The following RBFOX1 variants were observed in gnomAD, a reference collection of about 807,000 sequenced individuals.
RBFOX1 encodes RNA binding fox-1 homolog 1.
RBFOX1 carries 8 observed loss-of-function variants against 57.7 expected under a neutral mutation model. That is an observed-to-expected ratio of 0.14 (90% CI 0.08 to 0.25). The LOEUF is 0.25. RBFOX1 is among the 10% of genes least tolerant of loss of function. The probability of loss-of-function intolerance (pLI) is 1.00; values close to 1 mark genes in which losing one functional copy is unlikely to be tolerated. For synonymous variants in RBFOX1, 326 were observed against 222.4 expected (o/e 1.47, Z -4.15); for missense variants, 611 against 548.5 (o/e 1.11, Z -1.14).
chr16:6,715,914 T>C (rs191398142), intron 3 of RBFOX1, among the ~76,000 whole-genome samples: 53 of 152,344 alleles, frequency 3.5e-4, no homozygotes, highest in Admixed American at 3.3e-3. Flanking sequence ...TACAGCCTCA[T>C]ACCCTGCTTC....
chr16:5,812,174 T>C (rs917263316), intron 3 of RBFOX1, among the ~76,000 whole-genome samples: 18 of 152,318 alleles, frequency 1.2e-4, no homozygotes, highest in African/African-American at 4.3e-4. Context: ...GACTACATTG[T>C]GTTTATCCAT....
At chr16:7,165,957 C>CAA (rs1384584704) in intron 4 of RBFOX1, among the ~76,000 whole-genome samples, 1 of 99,654 alleles carries the variant, frequency 1.0e-5, no homozygotes, top group African/African-American at 4.4e-5. Flanking sequence ...CACACACACA[C>CAA]ACACACACAT....
intron 2 of RBFOX1, among the ~76,000 whole-genome samples, chr16:6,554,358 G>A (rs979899281): frequency 2.0e-5 from 3 of 152,146 alleles, no homozygotes; most frequent in Admixed American, 1.3e-4. Context: ...ATAGAGATGC[G>A]AAGTAGATTA....
At chr16:7,421,937 G>T (rs2098546670) in intron 4 of RBFOX1, among the ~76,000 whole-genome samples, 1 of 152,182 alleles carries the variant, frequency 6.6e-6, no homozygotes, top group South Asian at 2.1e-4. Context: ...ATTATTTTAT[G>T]TCATGCCCAG....
intron 4 of RBFOX1, among the ~76,000 whole-genome samples, chr16:5,890,793 G>A (rs969386972): frequency 6.7e-6 from 1 of 149,918 alleles, no homozygotes; most frequent in Non-Finnish European, 1.5e-5. Flanking sequence ...ACACCATATT[G>A]CCATTTAGGA....
At chr16:6,919,776 T>TC (rs2074052104) in intron 3 of RBFOX1, among the ~76,000 whole-genome samples, 2 of 151,052 alleles carry the variant, frequency 1.3e-5, no homozygotes, top group Non-Finnish European at 2.9e-5. Flanking sequence ...ATTCTTTTTT[T>TC]TTTTTTTTTT....
Position 6,994,764 on chromosome 16 carries a change from T to A in RBFOX1, c.-15-57293T>A, listed in dbSNP as rs182658489. On this transcript the variant is annotated intron_variant, in intron 3 of 15. Transcript: ENST00000550418. ...TCTGAAATGTGTTATTATGTTATGC[T>A]TGAAACATTTATATATGTTACCGAC... Among the ~76,000 whole-genome samples, 340 of 152,334 alleles carry A rather than the reference T, an allele frequency of 2.2e-3. 4 individuals carry two copies. Among genetic ancestry groups the A allele is most frequent in the Admixed American group, 0.019 (297 of 15,286 alleles).
At chr16:7,005,307 C>A (rs1596679763) in intron 3 of RBFOX1, among the ~76,000 whole-genome samples, 1 of 152,162 alleles carries the variant, frequency 6.6e-6, no homozygotes, top group Non-Finnish European at 1.5e-5. Context: ...TCATCTTCCT[C>A]CCTTTCAATG....
At chr16:6,543,441 A>C (rs1414818210) in intron 2 of RBFOX1, among the ~76,000 whole-genome samples, 1 of 152,108 alleles carries the variant, frequency 6.6e-6, no homozygotes, top group Admixed American at 6.5e-5. Flanking sequence ...GCCTGCTTGC[A>C]GAGGCATTTT....
intron 2 of RBFOX1, among the ~76,000 whole-genome samples, chr16:6,640,331 G>A (rs577630317): frequency 1.8e-4 from 28 of 152,118 alleles, no homozygotes; most frequent in African/African-American, 6.7e-4. Context: ...CATAGAGGCC[G>A]GGCATAGTGG....
intron 4 of RBFOX1, among the ~76,000 whole-genome samples, chr16:7,437,309 C>G (rs2098730672): frequency 6.6e-6 from 1 of 151,280 alleles, no homozygotes; most frequent in Non-Finnish European, 1.5e-5. Flanking sequence ...CAGGCAGCTC[C>G]CACTTTGAGG....
rs1035601258 is a variant in RBFOX1 at position 7,504,950 on chromosome 16, G to A, written c.28-13197G>A. On this transcript the variant is annotated intron_variant, in intron 4 of 15. Transcript: ENST00000550418. ...CGCAAACAGACAGGTGAAGCCCTACGCAGCATGCCTTTCCAGCGCGAAATG... is the reference window on the plus strand; with the variant it reads ...CGCAAACAGACAGGTGAAGCCCTACACAGCATGCCTTTCCAGCGCGAAATG... 1.1e-4 allele frequency among the ~76,000 whole-genome samples: 17 copies of A among 149,598 alleles called. No individual in the cohort carries two copies. The East Asian group carries it at 1.6e-3, about 14-fold the overall frequency.
chr16:6,166,094 G>T (rs76120803), intron 1 of RBFOX1, among the ~76,000 whole-genome samples: 1 of 152,084 alleles, frequency 6.6e-6, no homozygotes, highest in Non-Finnish European at 1.5e-5. Context: ...CTTCCTACTC[G>T]AATTGGTAAA....
chr16:5,890,896 C>G (rs1159124700), intron 4 of RBFOX1, among the ~76,000 whole-genome samples: 1 of 152,062 alleles, frequency 6.6e-6, no homozygotes, highest in Non-Finnish European at 1.5e-5. Flanking sequence ...GATGTGGGCT[C>G]TTGTCTTCAT....
chr16:6,930,876 A>C (rs940632734), intron 3 of RBFOX1, among the ~76,000 whole-genome samples: 1 of 152,018 alleles, frequency 6.6e-6, no homozygotes, highest in African/African-American at 2.4e-5. Context: ...GCATGTTCCT[A>C]TCCAATACCC....
chr16:6,285,636 T>C (rs1299524771), intron 1 of RBFOX1, among the ~76,000 whole-genome samples: 2 of 152,196 alleles, frequency 1.3e-5, no homozygotes, highest in Non-Finnish European at 1.5e-5. Context: ...AGGATGTAAA[T>C]GACCATCACG....
At chr16:5,364,014 A>G (rs1286637922) in intron 1 of RBFOX1, among the ~76,000 whole-genome samples, 2 of 152,110 alleles carry the variant, frequency 1.3e-5, no homozygotes, top group African/African-American at 2.4e-5. Flanking sequence ...GGAAAAACCA[A>G]CCTAGAGTTA....
At chr16:6,866,192 G>T (rs1190578407) in intron 3 of RBFOX1, among the ~76,000 whole-genome samples, 1 of 151,632 alleles carries the variant, frequency 6.6e-6, no homozygotes. Context: ...CCTTATCTCT[G>T]GTAGTTCTTT....
At chr16:6,401,078 G>C (rs1047323500) in intron 2 of RBFOX1, among the ~76,000 whole-genome samples, 20 of 152,104 alleles carry the variant, frequency 1.3e-4, no homozygotes, top group African/African-American at 4.6e-4. Flanking sequence ...ATCATTAAAA[G>C]GAACCAAAAC....
Sources: allele counts gnomAD v4.1 joint callset (sites outside exome capture counted in the v4.1 genomes callset), GRCh38; gene constraint gnomAD v4.1.1; transcripts MANE v1.5; gene names NCBI Gene and HGNC (gene_info 2026-07-23, HGNC 2026-07-21).